INPP5A: variants seen among roughly 807,000 people sequenced by gnomAD.
INPP5A encodes the protein inositol polyphosphate-5-phosphatase A.
In INPP5A, 14 loss-of-function variants were observed where a neutral mutation model predicts 65.2. The ratio of observed to expected loss-of-function variants is 0.21; its 90% CI spans 0.14 to 0.34. The LOEUF (loss-of-function observed/expected upper bound fraction) is 0.34. Among genes scored for constraint, INPP5A ranks in the 10% least tolerant of loss-of-function variants. The probability of loss-of-function intolerance (pLI) is 1.00; values close to 1 mark genes in which losing one functional copy is unlikely to be tolerated. For missense variants in INPP5A, 431 were observed against 545.6 expected, an observed-to-expected ratio of 0.79 and a Z score of 2.09; for synonymous variants, 207 against 208.3, an observed-to-expected ratio of 0.99 and a Z score of 0.05.
chr10:132,730,939 G>A (rs1846073530), intron 9 of INPP5A, among the ~76,000 whole-genome samples: 4 of 152,216 alleles, frequency 2.6e-5, no homozygotes, highest in South Asian at 4.1e-4. Context: ...TATTCCATGG[G>A]ACAGTACAGA....
At chr10:132,718,272 T>A (rs988826132) in intron 8 of INPP5A, among the ~76,000 whole-genome samples, 11 of 146,090 alleles carry the variant, frequency 7.5e-5, no homozygotes, top group Non-Finnish European at 1.5e-4. Context: ...CTGTGGTACC[T>A]GGGTTCTTTC....
intron 1 of INPP5A, among the ~76,000 whole-genome samples, chr10:132,558,245 G>A (rs1304607773): frequency 6.6e-6 from 1 of 152,268 alleles, no homozygotes; most frequent in East Asian, 1.9e-4. Context: ...GCAGAGCCGC[G>A]ACTTCCCCAA....
chr10:132,641,773 TATC>T (rs1191266447), intron 2 of INPP5A, among the ~76,000 whole-genome samples: 1 of 152,276 alleles, frequency 6.6e-6, no homozygotes, highest in African/African-American at 2.4e-5. Context: ...GTAAAGATCT[TATC>T]ATTTTGATAA....
intron 2 of INPP5A, among the ~76,000 whole-genome samples, chr10:132,618,266 T>C (rs1220003034): frequency 6.6e-6 from 1 of 152,236 alleles, no homozygotes; most frequent in African/African-American, 2.4e-5. Flanking sequence ...AAATAGCTTC[T>C]CCCATCAGCA....
chr10:132,764,535 A>G (rs1178543492), intron 11 of INPP5A, among the ~76,000 whole-genome samples: 1 of 142,532 alleles, frequency 7.0e-6, no homozygotes, highest in Non-Finnish European at 1.5e-5. Context: ...CGGTCGGGCC[A>G]GTCCTGCAGG....
rs777468775 is a variant in INPP5A at position 132,645,860 on chromosome 10, C to T, written c.118-8C>T. The T allele has an allele frequency of 3.3e-5, 53 of 1,608,348 alleles. No individual in the cohort carries two copies. Among genetic ancestry groups the T allele is most frequent in the Non-Finnish European group, 3.8e-5 (45 of 1,175,832 alleles). ...GACGACCCTGACAGTGTGCTTCTCT[C>T]CCTCCAGGTCGTGCACACACACAAG... On this transcript the variant is annotated splice_region_variant and splice_polypyrimidine_tract_variant and intron_variant, in intron 2 of 15. Coordinates refer to ENST00000368594, the MANE Select transcript of INPP5A (RefSeq NM_005539.5).
intron 4 of INPP5A, among the ~76,000 whole-genome samples, chr10:132,658,853 G>A (rs571456221): frequency 5.9e-5 from 9 of 152,098 alleles, no homozygotes; most frequent in South Asian, 4.2e-4. Context: ...CACCAAGGCC[G>A]CCGGCTGCTC....
At chr10:132,669,440 C>T (rs754073953) in intron 4 of INPP5A, among the ~76,000 whole-genome samples, 36 of 152,244 alleles carry the variant, frequency 2.4e-4, no homozygotes, top group Middle Eastern at 3.4e-3. Context: ...CTATGTAGCA[C>T]GTCCTCACGG....
chr10:132,773,527 T>C (rs973943813), intron 12 of INPP5A, among the ~76,000 whole-genome samples: 5 of 152,338 alleles, frequency 3.3e-5, no homozygotes, highest in South Asian at 2.1e-4. Context: ...CTCCTGTCTT[T>C]AGATGTGTAT....
chr10:132,600,260 CT>C (rs377077747), intron 1 of INPP5A, among the ~76,000 whole-genome samples: 36 of 152,328 alleles, frequency 2.4e-4, no homozygotes, highest in African/African-American at 8.2e-4. Flanking sequence ...GAATGTTTTG[CT>C]GTTTAGAAAT....
At chr10:132,588,485 G>A (rs143839180) in intron 1 of INPP5A, among the ~76,000 whole-genome samples, 134 of 152,306 alleles carry the variant, frequency 8.8e-4, no homozygotes, top group African/African-American at 3.0e-3. Flanking sequence ...TGTATTTATG[G>A]CTGCACAGAC....
In INPP5A at chr10:132,706,994, G is replaced by A. The variant is rs1027983597; in HGVS notation, c.475-1319G>A. Reference sequence around the variant, plus strand: ...TGTCTGGCACGTGCGCATACTGGAGGAGCCAAAGGGGACGGTGGCCAGTGG... The same window carrying A: ...TGTCTGGCACGTGCGCATACTGGAGAAGCCAAAGGGGACGGTGGCCAGTGG... On this transcript the variant is annotated intron_variant, in intron 6 of 15. Transcript: ENST00000368594. The surrounding 1 kb of genome is among the most constrained non-coding windows in gnomAD (Gnocchi z 4.7). Among the ~76,000 whole-genome samples the A allele has an allele frequency of 3.3e-5, 5 of 152,252 alleles. No individual in the cohort carries two copies. Among genetic ancestry groups the A allele is most frequent in the South Asian group, 2.1e-4 (1 of 4,836 alleles).
At chr10:132,708,420 C>CT in intron 7 of INPP5A, 55 bp downstream of exon 7, 1 of 1,538,968 alleles carries the variant, frequency 6.5e-7, no homozygotes, top group Non-Finnish European at 9.0e-7. Context: ...CCTTTTATAT[C>CT]TTGCACCAGC....
At chr10:132,607,443 G>T (rs1295031156) in intron 1 of INPP5A, among the ~76,000 whole-genome samples, 1 of 152,254 alleles carries the variant, frequency 6.6e-6, no homozygotes, top group East Asian at 1.9e-4. Context: ...ACACAGAAAT[G>T]CCATATGCGA....
At chr10:132,767,694 G>A (rs1406844713) in intron 12 of INPP5A, among the ~76,000 whole-genome samples, 2 of 152,106 alleles carry the variant, frequency 1.3e-5, no homozygotes, top group African/African-American at 2.4e-5. Context: ...CGCGCCCAGT[G>A]GCATTCCAGA....
In INPP5A at chr10:132,650,312, G is replaced by A. The variant is rs1590894777; in HGVS notation, c.219-106G>A. ...GCCTGTCACGGGTGGATGGTCTCAC[G>A]GTGATGTACCTATGTGCTGGAGCCC... On this transcript the variant is annotated intron_variant, in intron 3 of 15. Coordinates refer to ENST00000368594, the MANE Select transcript of INPP5A (RefSeq NM_005539.5). This position sits in a 1 kb window ranked among gnomAD's most constrained non-coding sequence, Gnocchi z 5.5. The A allele has an allele frequency of 6.6e-6, 5 of 752,534 alleles. No individual in the cohort carries two copies. Among genetic ancestry groups the A allele is most frequent in the South Asian group, 3.0e-5 (2 of 66,208 alleles). The allele number at this position is 752,534 out of a possible 1,614,324, so 46.6% of individuals were successfully genotyped here.
At chr10:132,777,804 C>T (rs1053250467) in intron 13 of INPP5A, 22 bp downstream of exon 13, 3 of 1,610,452 alleles carry the variant, frequency 1.9e-6, no homozygotes, top group South Asian at 1.1e-5. Context: ...CTGCCCCAGC[C>T]CTGGGCACAG....
intron 12 of INPP5A, 91 bp from the exon 13 acceptor site, chr10:132,777,580 G>A (rs1194627812): frequency 2.7e-6 from 3 of 1,111,186 alleles, no homozygotes; most frequent in Non-Finnish European, 4.0e-6. Flanking sequence ...CCATTCTAAG[G>A]TGTATTGGGA....
At chr10:132,690,289 C>G (rs1291616005) in intron 4 of INPP5A, 103 bp from the exon 5 acceptor site, 4 of 787,450 alleles carry the variant, frequency 5.1e-6, no homozygotes, top group East Asian at 2.5e-5. Flanking sequence ...TGGTGAAACT[C>G]TTGCTCTAGC....
Sources: gnomAD v4.1 joint callset for allele counts (sites outside exome capture counted in the v4.1 genomes callset) on GRCh38, gnomAD v4.1.1 for gene constraint, Gnocchi (gnomAD v3.1) non-coding constraint, MANE v1.5 for transcripts, NCBI Gene and HGNC (gene_info 2026-07-23, HGNC 2026-07-21) for gene names.